Variants in CFH observed in about 807,000 individuals in gnomAD.
CFH encodes the protein complement factor H, also known as H factor 1 (complement).
A neutral mutation model predicts 147.3 loss-of-function variants in CFH; 53 were observed. The observed-to-expected ratio is 0.36, with a 90% CI of 0.29 to 0.45. The LOEUF (loss-of-function observed/expected upper bound fraction) is 0.45. Among genes scored for constraint, CFH ranks in the 20% least tolerant of loss-of-function variants. The pLI, the probability that CFH is intolerant of heterozygous loss-of-function variation, is 1.00. For missense variants in CFH, 1,380 were observed against 1,498.0 expected (o/e 0.92, Z 1.30); for synonymous variants, 536 against 489.4 (o/e 1.10, Z -1.26).
intron 15 of CFH, among the ~76,000 whole-genome samples, chr1:196,729,331 A>G (rs899569188): frequency 6.6e-6 from 1 of 152,060 alleles, no homozygotes; most frequent in Admixed American, 6.6e-5. Flanking sequence ...TAGCCATTCT[A>G]TATAGATTTA....
intron 15 of CFH, among the ~76,000 whole-genome samples, chr1:196,733,110 G>T (rs762084438): frequency 2.6e-5 from 4 of 151,952 alleles, no homozygotes; most frequent in Non-Finnish European, 4.4e-5. Flanking sequence ...GGCTAAACTT[G>T]GTCCAGGAAG....
intron 1 of CFH, among the ~76,000 whole-genome samples, chr1:196,662,866 G>C (rs1415605168): frequency 7.4e-6 from 1 of 135,894 alleles, no homozygotes; most frequent in South Asian, 2.2e-4. Flanking sequence ...GGGCAATAGA[G>C]ATCTTGTCAA....
intron 20 of CFH, among the ~76,000 whole-genome samples, chr1:196,744,954 T>C (rs547156728): frequency 6.6e-6 from 1 of 152,278 alleles, no homozygotes; most frequent in East Asian, 1.9e-4. Flanking sequence ...AAAGATCGTG[T>C]CACTGGATAT....
At position 196,747,348 on chromosome 1, in the gene CFH, T is replaced by C; in HGVS notation, c.*35T>C. 1 of 1,613,356 alleles carries C rather than the reference T, an allele frequency of 6.2e-7. No homozygotes were observed. The highest frequency in any genetic ancestry group is 8.5e-7 in the Non-Finnish European group (1 of 1,179,352). On this transcript the variant is annotated 3_prime_UTR_variant, in exon 22 of 22. Transcript: ENST00000367429. Reference sequence around the variant, plus strand: ...TAAAGTGCACACCTTTATTCAGAACTTTAGTATTAAATCAGTTCTCAATTT... The same window carrying C: ...TAAAGTGCACACCTTTATTCAGAACCTTAGTATTAAATCAGTTCTCAATTT...
At position 196,685,194 on chromosome 1, in the gene CFH, A is replaced by C. The variant is rs1061147; in HGVS notation, c.921A>C (p.Ala307=). 1,022,671 of 1,612,176 alleles carry C rather than the reference A, an allele frequency of 0.63. 328,805 individuals are homozygous for C. Among genetic ancestry groups the C allele is most frequent in the East Asian group, 0.94 (42,152 of 44,802 alleles). Residue 307 remains alanine (A), a synonymous_variant, in exon 7 of 22, where the codon GCA becomes GCC. Transcript: ENST00000367429. ...GFYPATRGNT[A]KCTSTGWIPA... is the part of the protein sequence containing the mutation. ...ATCCTGCAACCCGGGGAAATACAGC[A>C]AAATGCACAAGTACTGGCTGGATAC... is the stretch of plus-strand genomic sequence containing the variant.
At chr1:196,698,288 G>C (rs1668346022) in intron 9 of CFH, among the ~76,000 whole-genome samples, 1 of 152,100 alleles carries the variant, frequency 6.6e-6, no homozygotes, top group Non-Finnish European at 1.5e-5. Context: ...GCACCCAGGA[G>C]CTGGTTTTTA....
In CFH at chr1:196,747,123, T is replaced by A; in HGVS notation, c.3506T>A (p.Ile1169Lys). The stretch of plus-strand genomic sequence containing the variant: ...TTTTTATTTTCAGATCCGTGTGTAA[T>A]ATCCCGAGAAATTATGGAAAATTAT... ...EPPKCLHPCV[I>K]SREIMENYNI... The change falls in exon 22 of 22, where the codon ATA becomes AAA. Residue 1169 changes from isoleucine (I) to lysine (K), a missense_variant. Ile to Lys is a moderately radical substitution (Grantham distance 102). Around this residue, in one of 4 missense-constraint regions of CFH, gnomAD observed 123 missense variants for 185.3 expected, o/e 0.66. Transcript: ENST00000367429. The A allele has an allele frequency of 6.2e-7, 1 of 1,613,874 alleles. No homozygotes were observed. Among genetic ancestry groups the A allele is most frequent in the Non-Finnish European group, 8.5e-7 (1 of 1,179,826 alleles).
chr1:196,717,288 C>T (rs1668892223), intron 11 of CFH, among the ~76,000 whole-genome samples: 1 of 152,032 alleles, frequency 6.6e-6, no homozygotes, highest in Admixed American at 6.6e-5. Flanking sequence ...TAAAATGTCA[C>T]ATATTTACAA....
At chr1:196,672,546 C>A (rs942358708) in intron 1 of CFH, among the ~76,000 whole-genome samples, 2 of 152,152 alleles carry the variant, frequency 1.3e-5, no homozygotes, top group African/African-American at 4.8e-5. Flanking sequence ...TAATAACTGG[C>A]TTCCCTAATA....
rs866130786 is a variant in CFH at position 196,728,345 on chromosome 1, G to A, written c.2237-1G>A. The A allele has an allele frequency of 2.8e-6, 4 of 1,426,166 alleles. No homozygotes were observed. Among genetic ancestry groups the A allele is most frequent in the Non-Finnish European group, 3.8e-6 (4 of 1,051,742 alleles). The allele number at this position is 1,426,166 out of a possible 1,614,324, so 88.3% of individuals were successfully genotyped here. A position where few individuals can be genotyped will look rare whatever the true frequency, so the allele number is the denominator to read the frequency against. ...TTCATAAAAATATATTTATTTTATA[G>A]CAATAGATAAACTTAAGAAGTGCAA... is the stretch of plus-strand genomic sequence containing the variant. On this transcript the variant is annotated splice_acceptor_variant, in intron 14 of 21. Coordinates refer to ENST00000367429, the MANE Select transcript of CFH (RefSeq NM_000186.4). LOFTEE classifies it high-confidence loss of function.
chr1:196,663,732 G>A (rs1666983350), intron 1 of CFH, among the ~76,000 whole-genome samples: 1 of 152,114 alleles, frequency 6.6e-6, no homozygotes, highest in Non-Finnish European at 1.5e-5. Flanking sequence ...CCAAATTTGT[G>A]CTTTAAAATT....
At chr1:196,689,665 G>A (rs753742108) in intron 8 of CFH, 51 bp downstream of exon 8, 10 of 1,577,150 alleles carry the variant, frequency 6.3e-6, no homozygotes, top group East Asian at 4.5e-5. Context: ...TTCAAAGATC[G>A]AAGAAAGGAG....
chr1:196,681,672 A>G (rs955275642), intron 6 of CFH, among the ~76,000 whole-genome samples: 1 of 151,842 alleles, frequency 6.6e-6, no homozygotes, highest in Non-Finnish European at 1.5e-5. Flanking sequence ...TTCAGAAGAC[A>G]GTTCACTAAT....
chr1:196,724,399 GT>G (rs899493081), intron 11 of CFH, among the ~76,000 whole-genome samples: 10 of 152,088 alleles, frequency 6.6e-5, no homozygotes, highest in African/African-American at 2.2e-4. Context: ...TCAACTAGTA[GT>G]TTGGTGTAAT....
At chr1:196,720,495 C>T (rs562095165) in intron 11 of CFH, among the ~76,000 whole-genome samples, 19 of 151,952 alleles carry the variant, frequency 1.3e-4, no homozygotes, top group Middle Eastern at 3.4e-3. Context: ...TCCATATGTA[C>T]GCATTATTTA....
intron 21 of CFH, among the ~76,000 whole-genome samples, chr1:196,746,375 C>T (rs1446849724): frequency 1.3e-5 from 2 of 152,132 alleles, no homozygotes; most frequent in Non-Finnish European, 2.9e-5. Flanking sequence ...GGCGGGAACC[C>T]GGGAGGCGGA....
Position 196,737,557 on chromosome 1 carries a change from T to C in CFH, c.2679T>C (p.His893=), listed in dbSNP as rs577301338. 7 of 1,613,292 alleles carry C rather than the reference T, an allele frequency of 4.3e-6. No homozygotes were observed. The South Asian group carries it at 5.5e-5, about 13-fold the overall frequency. ...GGTCTTCACAAGAAAGTTATGCACA[T>C]GGGACTAAATTGAGTTATACTTGTG... ...SSRSSQESYA[H]GTKLSYTCEG... The change falls in exon 17 of 22, where the codon CAT becomes CAC. Residue 893 remains histidine, a synonymous_variant. Transcript: ENST00000367429.
At chr1:196,657,207 A>G (rs1281579607) in intron 1 of CFH, among the ~76,000 whole-genome samples, 1 of 151,940 alleles carries the variant, frequency 6.6e-6, no homozygotes, top group African/African-American at 2.4e-5. Flanking sequence ...CTTTGTCTCT[A>G]GAGTTTGTTT....
Position 196,741,812 on chromosome 1 carries a change from A to T in CFH, c.2957-63A>T. The T allele has an allele frequency of 2.1e-6, 3 of 1,439,396 alleles. No homozygotes were observed. In the South Asian group the frequency reaches 3.4e-5, roughly 17 times the overall value. The allele number at this position is 1,439,396 out of a possible 1,614,324, so 89.2% of individuals were successfully genotyped here. On this transcript the variant is annotated intron_variant, in intron 18 of 21. Transcript: ENST00000367429. ...ATATCGCTATTTTAGAATCCATTAC[A>T]TGTATTGTATGTAACCTATTTTTAA...
Sources: allele counts gnomAD v4.1 joint callset (sites outside exome capture counted in the v4.1 genomes callset), GRCh38; gene constraint gnomAD v4.1.1; regional missense constraint gnomAD v4.1.1; transcripts MANE v1.5; gene names NCBI Gene and HGNC (gene_info 2026-07-23, HGNC 2026-07-21).